The following TMEM132B variants were observed in gnomAD, a reference collection of about 807,000 sequenced individuals.
TMEM132B encodes the protein transmembrane protein 132B.
TMEM132B carries 18 observed loss-of-function variants against 90.8 expected under a neutral mutation model. That is an observed-to-expected ratio of 0.20 (90% confidence interval 0.14 to 0.29). The LOEUF is 0.29. Among genes scored for constraint, TMEM132B ranks in the 10% least tolerant of loss-of-function variants. The pLI, the probability that TMEM132B is intolerant of heterozygous loss-of-function variation, is 1.00. For missense variants in TMEM132B, 1,096 were observed against 1,326.8 expected (o/e 0.83, Z 2.70); for synonymous variants, 504 against 523.3 (o/e 0.96, Z 0.50).
intron 4 of TMEM132B, among the ~76,000 whole-genome samples, chr12:125,541,222 G>A (rs377488316): frequency 1.3e-4 from 20 of 151,980 alleles, no homozygotes; most frequent in South Asian, 2.1e-4. Flanking sequence ...TATATCTTTC[G>A]CACCTGGAAC....
At chr12:125,292,145 A>C in intron 1 of TMEM132B, among the ~76,000 whole-genome samples, 1 of 152,232 alleles carries the variant, frequency 6.6e-6, no homozygotes, top group African/African-American at 2.4e-5. Flanking sequence ...TCTCCTGTGG[A>C]GGTTTCAAGC....
chr12:125,297,411 C>T (rs1875698791), intron 1 of TMEM132B, among the ~76,000 whole-genome samples: 1 of 152,160 alleles, frequency 6.6e-6, no homozygotes. Flanking sequence ...TGTGGAGCGT[C>T]CTGGGGAAAA....
At chr12:125,308,071 GTATAT>G (rs921970437) in intron 1 of TMEM132B, among the ~76,000 whole-genome samples, 40 of 132,230 alleles carry the variant, frequency 3.0e-4, no homozygotes, top group African/African-American at 1.1e-3. Context: ...TATAATACAA[GTATAT>G]TATAAGTATA....
At chr12:125,528,506 C>A (rs1041324274) in intron 4 of TMEM132B, among the ~76,000 whole-genome samples, 18 of 152,274 alleles carry the variant, frequency 1.2e-4, no homozygotes, top group African/African-American at 3.9e-4. Flanking sequence ...CTTCTTTATT[C>A]CAGACAGCGT....
intron 1 of TMEM132B, among the ~76,000 whole-genome samples, chr12:125,263,844 A>G (rs2136112315): frequency 6.6e-6 from 1 of 152,290 alleles, no homozygotes; most frequent in South Asian, 2.1e-4. Flanking sequence ...GTAGAAAGTC[A>G]CAACCATCTG....
At chr12:125,615,310 A>G (rs1229664867) in intron 5 of TMEM132B, among the ~76,000 whole-genome samples, 3 of 151,284 alleles carry the variant, frequency 2.0e-5, no homozygotes, top group Non-Finnish European at 4.4e-5. Context: ...TCCTTTATAG[A>G]TATATATATA....
At chr12:125,525,420 A>C (rs1883424123) in intron 4 of TMEM132B, among the ~76,000 whole-genome samples, 1 of 152,190 alleles carries the variant, frequency 6.6e-6, no homozygotes, top group Admixed American at 6.5e-5. Flanking sequence ...AAAGGGTTGG[A>C]GGAAGCTGGC....
chr12:125,266,338 A>G (rs1426552249), intron 1 of TMEM132B, among the ~76,000 whole-genome samples: 1 of 152,196 alleles, frequency 6.6e-6, no homozygotes, highest in African/African-American at 2.4e-5. Flanking sequence ...TATGGAAAAC[A>G]TTTGCCAAGG....
chr12:125,515,663 ATTCT>A (rs932660696), intron 3 of TMEM132B, among the ~76,000 whole-genome samples: 4 of 150,886 alleles, frequency 2.7e-5, no homozygotes, highest in East Asian at 2.0e-4. Context: ...CCCTTCACAC[ATTCT>A]TTCTCACACT....
intron 2 of TMEM132B, among the ~76,000 whole-genome samples, chr12:125,380,035 T>A (rs1878627886): frequency 6.6e-6 from 1 of 152,206 alleles, no homozygotes; most frequent in Admixed American, 6.5e-5. Context: ...GAGCTGAGGA[T>A]GGATGCGTTC....
chr12:125,239,427 T>C (rs1377135049), intron 1 of TMEM132B, among the ~76,000 whole-genome samples: 1 of 152,158 alleles, frequency 6.6e-6, no homozygotes, highest in Non-Finnish European at 1.5e-5. Flanking sequence ...AGGAAAAGTT[T>C]AGGGTTTCTG....
intron 5 of TMEM132B, among the ~76,000 whole-genome samples, chr12:125,607,022 T>C (rs1343937161): frequency 6.6e-6 from 1 of 152,166 alleles, no homozygotes; most frequent in Non-Finnish European, 1.5e-5. Context: ...AGGAGTAGTC[T>C]TGGACACCCG....
Position 125,654,482 on chromosome 12 carries a change from T to C in TMEM132B, c.3024T>C (p.Tyr1008=), listed in dbSNP as rs762614714. Residue 1008 remains tyrosine, a synonymous_variant, in exon 9 of 9, where the codon TAT becomes TAC. Transcript: ENST00000682704. The surrounding 1 kb of genome is among the most constrained non-coding windows in gnomAD (Gnocchi z 5.8). ...FHSQLLRPSD[Y]VYEKEIKNEP... is the part of the protein sequence containing the mutation. ...GTCAACTACTCAGACCCTCTGACTA[T>C]GTCTATGAGAAAGAAATTAAAAATG... is the stretch of plus-strand genomic sequence containing the variant. The C allele has an allele frequency of 1.4e-5, 23 of 1,613,774 alleles. No homozygotes were observed. The highest frequency in any genetic ancestry group is 2.2e-5 in the East Asian group (1 of 44,900).
At chr12:125,554,677 C>T (rs781563970) in intron 4 of TMEM132B, among the ~76,000 whole-genome samples, 6 of 152,070 alleles carry the variant, frequency 3.9e-5, no homozygotes, top group Non-Finnish European at 7.4e-5. Flanking sequence ...AACTTTTCTT[C>T]CCCTCAGTTA....
At chr12:125,189,822 T>C (rs1462402325) in intron 1 of TMEM132B, among the ~76,000 whole-genome samples, 1 of 152,088 alleles carries the variant, frequency 6.6e-6, no homozygotes, top group African/African-American at 2.4e-5. Flanking sequence ...GTGGGGGTGG[T>C]CTCTGGGCCG....
At chr12:125,298,501 C>T (rs192065414) in intron 1 of TMEM132B, among the ~76,000 whole-genome samples, 77 of 151,450 alleles carry the variant, frequency 5.1e-4, no homozygotes, top group South Asian at 2.1e-3. Context: ...TGGTGAAACC[C>T]CGTCTCAAAC....
chr12:125,432,223 C>G (rs1403226412), intron 3 of TMEM132B, among the ~76,000 whole-genome samples: 5 of 151,504 alleles, frequency 3.3e-5, no homozygotes, highest in Non-Finnish European at 5.9e-5. Flanking sequence ...CTGGTTATAG[C>G]TCTGGCATTC....
At position 125,251,231 on chromosome 12, in the gene TMEM132B, A is replaced by G. The variant is rs1874311203; in HGVS notation, c.67+64365A>G. ...CCATACATGGTGCATTTAGCTCAGAAAGTGAGATGATTTTTGAAAATATCA... is the reference window on the plus strand; with the variant it reads ...CCATACATGGTGCATTTAGCTCAGAGAGTGAGATGATTTTTGAAAATATCA... On this transcript the variant is annotated intron_variant, in intron 1 of 8. Coordinates refer to ENST00000682704, the MANE Select transcript of TMEM132B (RefSeq NM_001366854.1). This position sits in a 1 kb window ranked among gnomAD's most constrained non-coding sequence, Gnocchi z 4.4. Among the ~76,000 whole-genome samples, 2 of 152,218 alleles carry G rather than the reference A, an allele frequency of 1.3e-5. No individual in the cohort carries two copies. The highest frequency in any genetic ancestry group is 4.1e-4 in the South Asian group (2 of 4,830).
At chr12:125,633,679 G>A (rs565560189) in intron 5 of TMEM132B, among the ~76,000 whole-genome samples, 2 of 149,592 alleles carry the variant, frequency 1.3e-5, no homozygotes, top group African/African-American at 4.9e-5. Context: ...ACGCATAGTG[G>A]TACCCCCTTG....
Sources: gnomAD v4.1 joint callset for allele counts (sites outside exome capture counted in the v4.1 genomes callset) on GRCh38, gnomAD v4.1.1 for gene constraint, Gnocchi (gnomAD v3.1) non-coding constraint, MANE v1.5 for transcripts, NCBI Gene and HGNC (gene_info 2026-07-23, HGNC 2026-07-21) for gene names.